CAPN2: variants seen among roughly 807,000 people sequenced by gnomAD.
CAPN2 encodes the protein calpain 2, also known as calpain-2 catalytic subunit.
CAPN2 carries 92 observed loss-of-function variants against 102.3 expected under a neutral mutation model. The observed-to-expected ratio is 0.90, with a 90% CI of 0.76 to 1.07. The LOEUF is 1.07. CAPN2 is among the 50% of genes least tolerant of loss of function. CAPN2 has a pLI of 0.00. For synonymous variants in CAPN2, 340 were observed against 355.4 expected, an observed-to-expected ratio of 0.96 and a Z score of 0.49; for missense variants, 800 against 909.4, an observed-to-expected ratio of 0.88 and a Z score of 1.55.
rs1470870668 is a variant in CAPN2, at chr1:223,727,265, T to A, written c.307+9434T>A. On this transcript the variant is annotated intron_variant, in intron 2 of 20. Transcript: ENST00000295006. This position sits in a 1 kb window ranked among gnomAD's most constrained non-coding sequence, Gnocchi z 4.1. ...CTAAAGAAATATAACGCAAAACAGG[T>A]ACGATTTGAGATCCATCAGGGTTTC... Among the ~76,000 whole-genome samples the A allele has an allele frequency of 1.3e-5, 2 of 152,174 alleles. No individual in the cohort carries two copies. Among genetic ancestry groups the A allele is most frequent in the African/African-American group, 4.8e-5 (2 of 41,432 alleles).
At chr1:223,702,024 GGGAA>G (rs1659483930) in intron 1 of CAPN2, among the ~76,000 whole-genome samples, 1 of 53,106 alleles carries the variant, frequency 1.9e-5, no homozygotes, top group Non-Finnish European at 5.0e-5. Context: ...AAAAAAGAGA[GGGAA>G]GGAAGGGAGG....
intron 1 of CAPN2, among the ~76,000 whole-genome samples, chr1:223,713,631 C>T (rs768301382): frequency 1.3e-5 from 2 of 152,168 alleles, no homozygotes; most frequent in Admixed American, 6.5e-5. Context: ...GGCTCCTCCT[C>T]CTTTGGGACA....
At chr1:223,757,215 G>A (rs958958219) in intron 10 of CAPN2, among the ~76,000 whole-genome samples, 154 bp from the exon 11 acceptor site, 2 of 152,212 alleles carry the variant, frequency 1.3e-5, no homozygotes, top group African/African-American at 4.8e-5. Flanking sequence ...GTGTTGGAGA[G>A]GCTTTGAGTT....
In CAPN2 at chr1:223,757,352, T is replaced by G. The variant is rs763060984; in HGVS notation, c.1306-17T>G. 2 of 1,614,152 alleles carry G rather than the reference T, an allele frequency of 1.2e-6. No homozygotes were observed. The highest frequency in any genetic ancestry group is 1.7e-6 in the Non-Finnish European group (2 of 1,180,004). ...CTGCTTTTCCGGCATCTGAATTGCATCTCCTTTATTTTGCAGGTTCCAGAG... is the reference window on the plus strand; with the variant it reads ...CTGCTTTTCCGGCATCTGAATTGCAGCTCCTTTATTTTGCAGGTTCCAGAG... On this transcript the variant is annotated splice_polypyrimidine_tract_variant and intron_variant, in intron 10 of 20. Coordinates refer to ENST00000295006, the MANE Select transcript of CAPN2 (RefSeq NM_001748.5).
At chr1:223,702,335 G>A (rs1299196616) in intron 1 of CAPN2, among the ~76,000 whole-genome samples, 1 of 152,018 alleles carries the variant, frequency 6.6e-6, no homozygotes, top group African/African-American at 2.4e-5. Flanking sequence ...GCTAAGGCAG[G>A]AGAATTGCTT....
chr1:223,722,124 G>A (rs7549063), intron 2 of CAPN2, among the ~76,000 whole-genome samples: 15,183 of 152,058 alleles, frequency 0.1, 869 homozygotes, highest in African/African-American at 0.15. Context: ...TGTGGCCTGT[G>A]TTTGGGTAAC....
At chr1:223,724,695 C>T (rs886470726) in intron 2 of CAPN2, among the ~76,000 whole-genome samples, 3 of 152,192 alleles carry the variant, frequency 2.0e-5, no homozygotes, top group African/African-American at 7.2e-5. Flanking sequence ...ACAGGCAGGG[C>T]ATGGTGGCCC....
chr1:223,737,249 G>A (rs1183808703), intron 2 of CAPN2, among the ~76,000 whole-genome samples: 1 of 152,130 alleles, frequency 6.6e-6, no homozygotes, highest in East Asian at 1.9e-4. Context: ...TCAGGTCTGT[G>A]CCAGTTGAGT....
intron 6 of CAPN2, 89 bp from the exon 7 acceptor site, chr1:223,750,801 G>A: frequency 8.3e-7 from 1 of 1,209,662 alleles, no homozygotes; most frequent in Non-Finnish European, 1.2e-6. Context: ...ATACCTCCTG[G>A]CTCATGCGGA....
Position 223,759,524 on chromosome 1 carries a change from C to T in CAPN2, c.1529+43C>T. The T allele has an allele frequency of 9.0e-6, 14 of 1,551,938 alleles. No homozygotes were observed. Among genetic ancestry groups the T allele is most frequent in the Non-Finnish European group, 1.2e-5 (14 of 1,126,886 alleles). On this transcript the variant is annotated intron_variant, in intron 12 of 20. Coordinates refer to ENST00000295006, the MANE Select transcript of CAPN2 (RefSeq NM_001748.5). This position sits in a 1 kb window ranked among gnomAD's most constrained non-coding sequence, Gnocchi z 4.6. ...TTCCTCTCCCCACCCTTCCCTGTCC[C>T]TCCCCACTGGTCTGTTCCTCGGCCC... is the stretch of plus-strand genomic sequence containing the variant.
intron 2 of CAPN2, among the ~76,000 whole-genome samples, chr1:223,743,364 G>A (rs372899285): frequency 3.3e-5 from 5 of 152,140 alleles, no homozygotes; most frequent in African/African-American, 1.2e-4. Context: ...TACTTCCTGC[G>A]ACTGTACTCC....
intron 6 of CAPN2, among the ~76,000 whole-genome samples, chr1:223,749,988 C>A (rs1004242353): frequency 1.3e-5 from 2 of 151,970 alleles, no homozygotes; most frequent in African/African-American, 4.8e-5. Context: ...CCAGCCTCAG[C>A]GACAAAGTAA....
chr1:223,723,193 C>T lies in CAPN2; in HGVS notation c.307+5362C>T, dbSNP rs769397612. 7.9e-5 allele frequency among the ~76,000 whole-genome samples: 12 copies of T among 152,056 alleles called. 1 individual carries two copies. The highest frequency in any genetic ancestry group is 6.2e-4 in the South Asian group (3 of 4,814). ...CCTGGGCTTGGTGGCACATGCCTGT[C>T]GTCCCAGCTACTCGGGAGGCTGAAG... On this transcript the variant is annotated intron_variant, in intron 2 of 20. Coordinates refer to ENST00000295006, the MANE Select transcript of CAPN2 (RefSeq NM_001748.5).
intron 2 of CAPN2, among the ~76,000 whole-genome samples, chr1:223,729,494 G>A (rs895689986): frequency 6.6e-6 from 1 of 152,158 alleles, no homozygotes; most frequent in Non-Finnish European, 1.5e-5. Flanking sequence ...AGCCCAAGGA[G>A]GTCCTGAGAA....
At chr1:223,752,223 A>C in intron 8 of CAPN2, 152 bp downstream of exon 8, 1 of 616,808 alleles carries the variant, frequency 1.6e-6, no homozygotes, top group Non-Finnish European at 2.9e-6. Flanking sequence ...TAAGTTCACT[A>C]TAAGAGCCTG....
At chr1:223,764,286 C>T in intron 15 of CAPN2, 79 bp downstream of exon 15, 2 of 1,243,464 alleles carry the variant, frequency 1.6e-6, no homozygotes, top group Non-Finnish European at 2.4e-6. Context: ...CTTTCCCCCT[C>T]CATGTCTGGC....
intron 14 of CAPN2, 119 bp downstream of exon 14, chr1:223,762,370 A>G: frequency 1.2e-6 from 1 of 800,970 alleles, no homozygotes; most frequent in Non-Finnish European, 2.1e-6. Flanking sequence ...AAAAGCAAAG[A>G]GAAATTGCAA....
intron 13 of CAPN2, 167 bp downstream of exon 13, chr1:223,761,784 CT>C: frequency 1.6e-6 from 1 of 609,976 alleles, no homozygotes; most frequent in South Asian, 2.2e-5. Context: ...GCTCTGGCCT[CT>C]GTGCTGGGGG....
At chr1:223,702,105 A>AAGAAAG (rs1553343526) in intron 1 of CAPN2, among the ~76,000 whole-genome samples, 1 of 84,608 alleles carries the variant, frequency 1.2e-5, no homozygotes, top group East Asian at 4.3e-4. Flanking sequence ...AAAGAAGGAA[A>AAGAAAG]GAAGGAAGGA....
Sources: gnomAD v4.1 joint callset for allele counts (sites outside exome capture counted in the v4.1 genomes callset) on GRCh38, gnomAD v4.1.1 for gene constraint, Gnocchi (gnomAD v3.1) non-coding constraint, MANE v1.5 for transcripts, NCBI Gene and HGNC (gene_info 2026-07-23, HGNC 2026-07-21) for gene names.